The following ZNF37A variants were observed in gnomAD, a reference collection of about 807,000 sequenced individuals.
The protein encoded by ZNF37A is zinc finger protein 37a (KOX 21).
Under a neutral mutation model 12.3 loss-of-function variants are expected in ZNF37A, and 10 were observed. The ratio of observed to expected loss-of-function variants is 0.82; its 90% CI spans 0.50 to 1.38. The LOEUF is 1.38. Among genes scored for constraint, ZNF37A ranks in the 40% most tolerant of loss-of-function variants. The pLI is 0.00. For missense variants in ZNF37A, 580 were observed against 651.2 expected, an observed-to-expected ratio of 0.89 and a Z score of 1.19; for synonymous variants, 207 against 223.0, an observed-to-expected ratio of 0.93 and a Z score of 0.64.
At position 38,094,407 on chromosome 10, in the gene ZNF37A, T is replaced by A. The variant is rs1221595223; in HGVS notation, c.-575T>A. 6.6e-6 allele frequency: 1 copy of A among 152,176 alleles called. No individual in the cohort carries two copies. The highest frequency in any genetic ancestry group is 1.5e-5 in the Non-Finnish European group (1 of 68,072). 9.4% of individuals were successfully genotyped at this position (152,176 alleles called of 1,614,324 possible). Reference sequence around the variant, plus strand: ...GGGCCTTCTGGGCATGTCTGCCATATGGCTCCAGGTTTGTTTTTCTCCCCG... The same window carrying A: ...GGGCCTTCTGGGCATGTCTGCCATAAGGCTCCAGGTTTGTTTTTCTCCCCG... On this transcript the variant is annotated 5_prime_UTR_variant, in exon 1 of 8. The change abolishes an upstream ATG in the 5' untranslated region. Transcript: ENST00000685332.
Position 38,119,160 on chromosome 10 carries a change from C to A in ZNF37A, c.*323C>A. The stretch of plus-strand genomic sequence containing the variant: ...AGCATCCCTAGGTTGAGAAGGGATG[C>A]ATTTTTCTGCTACTACTACAGTTTC... On this transcript the variant is annotated 3_prime_UTR_variant, in exon 8 of 8. Transcript: ENST00000685332. 9.7e-7 allele frequency: 1 copy of A among 1,027,418 alleles called. No homozygotes were observed. The highest frequency in any genetic ancestry group is 1.2e-6 in the Non-Finnish European group (1 of 850,786). 63.6% of individuals were successfully genotyped at this position (1,027,418 alleles called of 1,614,324 possible). A position where few individuals can be genotyped will look rare whatever the true frequency, so the allele number is the denominator to read the frequency against.
chr10:38,094,442 C>T lies in ZNF37A; in HGVS notation c.-540C>T, dbSNP rs2066970884. ...TTTGTTTTTCTCCCCGGCACTCTGA[C>T]GGGGAGGGCTCCCGGCATCTCCTGG... On this transcript the variant is annotated 5_prime_UTR_variant, in exon 1 of 8. The change creates a new upstream start codon in the 5' untranslated region. Transcript: ENST00000685332. 6.6e-6 allele frequency: 1 copy of T among 151,846 alleles called. No individual in the cohort carries two copies. The highest frequency in any genetic ancestry group is 2.4e-5 in the African/African-American group (1 of 41,370). The allele number at this position is 151,846 out of a possible 1,614,324, so 9.4% of individuals were successfully genotyped here.
intron 7 of ZNF37A, chr10:38,137,668 A>G (rs1173608171): frequency 6.6e-6 from 1 of 152,206 alleles, no homozygotes; most frequent in Non-Finnish European, 1.5e-5. Flanking sequence ...ATGCCACATG[A>G]CATGAGACTA....
chr10:38,094,389 C>T lies in ZNF37A; in HGVS notation c.-593C>T, dbSNP rs2066962614. On this transcript the variant is annotated 5_prime_UTR_variant, in exon 1 of 8. Transcript: ENST00000685332. ...CGTCGCGGGAGCCGCTTCGGGCCTT[C>T]TGGGCATGTCTGCCATATGGCTCCA... The T allele has an allele frequency of 1.3e-5, 2 of 152,210 alleles. No homozygotes were observed. Among genetic ancestry groups the T allele is most frequent in the Non-Finnish European group, 2.9e-5 (2 of 68,078 alleles). The allele number at this position is 152,210 out of a possible 1,614,324, so 9.4% of individuals were successfully genotyped here. A position where few individuals can be genotyped will look rare whatever the true frequency, so the allele number is the denominator to read the frequency against.
chr10:38,125,377 G>GA (rs532192221), downstream of ZNF37A: 146 of 152,214 alleles, frequency 9.6e-4, no homozygotes, highest in African/African-American at 3.4e-3. Context: ...GTTCACTACA[G>GA]AAAAAATATG....
At chr10:38,131,202 TA>T (rs2070022260) in intron 7 of ZNF37A, among the ~76,000 whole-genome samples, 1 of 152,196 alleles carries the variant, frequency 6.6e-6, no homozygotes, top group African/African-American at 2.4e-5. Context: ...AAAAAGTTCT[TA>T]ATTTTGATCA....
rs998611567 is a variant in ZNF37A at position 38,124,348 on chromosome 10, A to G, written c.*5511A>G. 1 of 152,134 alleles carries G rather than the reference A, an allele frequency of 6.6e-6. No homozygotes were observed. The highest frequency in any genetic ancestry group is 2.4e-5 in the African/African-American group (1 of 41,438). 9.4% of individuals were successfully genotyped at this position (152,134 alleles called of 1,614,324 possible). On this transcript the variant is annotated 3_prime_UTR_variant, in exon 8 of 8. Coordinates refer to ENST00000685332, the MANE Select transcript of ZNF37A (RefSeq NM_001324250.3). ...AGGCAGTGAGGGCATGGTGAGGGGG[A>G]AGTGGGGAATGTTAACGGGCACAAA...
At chr10:38,145,777 A>G (rs1439308822) in intron 7 of ZNF37A, among the ~76,000 whole-genome samples, 2 of 152,208 alleles carry the variant, frequency 1.3e-5, no homozygotes, top group Non-Finnish European at 2.9e-5. Flanking sequence ...GACTATATCT[A>G]TAAAACTGTT....
chr10:38,128,987 C>T (rs771105906), downstream of ZNF37A, among the ~76,000 whole-genome samples: 20 of 152,182 alleles, frequency 1.3e-4, no homozygotes, highest in African/African-American at 4.8e-4. Context: ...CTCCTGACCT[C>T]GTGATCTGCC....
intron 7 of ZNF37A, among the ~76,000 whole-genome samples, chr10:38,134,700 C>A (rs544481282): frequency 6.6e-6 from 1 of 152,162 alleles, no homozygotes. Context: ...GTCAGTCGGC[C>A]CCTACTGGGA....
At chr10:38,114,703 C>A in intron 5 of ZNF37A, 52 bp from the exon 6 acceptor site, 1 of 1,610,360 alleles carries the variant, frequency 6.2e-7, no homozygotes, top group Non-Finnish European at 8.5e-7. Flanking sequence ...CATCTTTTTT[C>A]ACGTCAACTG....
At chr10:38,128,999 A>T (rs1452738654), downstream of ZNF37A, among the ~76,000 whole-genome samples, 1 of 151,956 alleles carries the variant, frequency 6.6e-6, no homozygotes, top group Non-Finnish European at 1.5e-5. Flanking sequence ...TGATCTGCCC[A>T]CCTCGGCCTC....
At chr10:38,148,042 G>A (rs1002617254) in exon 8 of ZNF37A, 1 of 152,216 alleles carries the variant, frequency 6.6e-6, no homozygotes, top group Non-Finnish European at 1.5e-5. Flanking sequence ...GGGTATCAAG[G>A]AGATGCATGC....
In ZNF37A at chr10:38,118,641, G is replaced by A. The variant is rs1197874971; in HGVS notation, c.1490G>A (p.Cys497Tyr). 6 of 1,613,542 alleles carry A rather than the reference G, an allele frequency of 3.7e-6. No individual in the cohort carries two copies. Among genetic ancestry groups the A allele is most frequent in the South Asian group, 1.1e-5 (1 of 91,064 alleles). ...RTHIRQKPYGCNQCGKSFCVK... is the reference protein window; with the variant it reads ...RTHIRQKPYGYNQCGKSFCVK... ...CATATAAGACAGAAACCCTATGGAT[G>A]TAATCAATGTGGAAAATCATTCTGT... is the stretch of plus-strand genomic sequence containing the variant. The change falls in exon 8 of 8, where the codon TGT becomes TAT. Residue 497 changes from cysteine to tyrosine, a missense_variant. By Grantham distance (194) the Cys-to-Tyr change is radical (BLOSUM62 -2). Transcript: ENST00000685332.
chr10:38,101,823 C>CTTTTTT (rs3041908), intron 5 of ZNF37A, among the ~76,000 whole-genome samples: 6 of 133,164 alleles, frequency 4.5e-5, no homozygotes, highest in Non-Finnish European at 6.4e-5. Flanking sequence ...TTTTATTTTT[C>CTTTTTT]TTTTTTTTTT....
chr10:38,139,831 A>G (rs1590949039), intron 7 of ZNF37A: 2 of 152,342 alleles, frequency 1.3e-5, no homozygotes, highest in South Asian at 4.1e-4. Context: ...TTTATTTATA[A>G]CGTACCAAAT....
intron 6 of ZNF37A, 124 bp from the exon 7 acceptor site, chr10:38,115,068 TGTG>T: frequency 7.9e-6 from 1 of 126,186 alleles, no homozygotes; most frequent in Non-Finnish European, 1.3e-5. Flanking sequence ...TTAAATGAAG[TGTG>T]TGTGTGTGTG....
chr10:38,115,457 C>G, intron 7 of ZNF37A, 167 bp downstream of exon 7: 1 of 842,318 alleles, frequency 1.2e-6, no homozygotes, highest in Non-Finnish European at 1.7e-6. Context: ...CTGAATCACC[C>G]AGCATCTCCC....
At chr10:38,114,716 T>G in intron 5 of ZNF37A, 39 bp from the exon 6 acceptor site, 1 of 1,613,676 alleles carries the variant, frequency 6.2e-7, no homozygotes, top group Non-Finnish European at 8.5e-7. Context: ...GTCAACTGAT[T>G]CTTATCACTT....
Sources: allele counts gnomAD v4.1 joint callset (sites outside exome capture counted in the v4.1 genomes callset), GRCh38; gene constraint gnomAD v4.1.1; transcripts MANE v1.5; gene names NCBI Gene and HGNC (gene_info 2026-07-23, HGNC 2026-07-21).